Variants in GALNT13 observed in about 807,000 individuals in gnomAD.
The protein encoded by GALNT13 is polypeptide N-acetylgalactosaminyltransferase 13, also known as UDP-GalNAc:polypeptide N-acetylgalactosaminyltransferase 13.
A neutral mutation model predicts 64.2 loss-of-function variants in GALNT13; 28 were observed. The observed-to-expected ratio is 0.44, with a 90% CI of 0.32 to 0.60. The LOEUF (loss-of-function observed/expected upper bound fraction) is 0.60, where lower values mean the gene tolerates loss of function less well. Ranked by LOEUF, GALNT13 falls within the 20% of genes least tolerant of loss-of-function variation. The pLI, the probability that GALNT13 is intolerant of heterozygous loss-of-function variation, is 0.05. For synonymous variants in GALNT13, 214 were observed against 224.6 expected (o/e 0.95, Z 0.42); for missense variants, 577 against 669.8 (o/e 0.86, Z 1.53).
At chr2:153,461,694 G>T in the GALNT13 span, among the ~76,000 whole-genome samples, 1 of 152,054 alleles carries the variant, frequency 6.6e-6, no homozygotes, top group African/African-American at 2.4e-5. Context: ...TTAATACTGG[G>T]AGTCATCTGA....
intron 8 of GALNT13, among the ~76,000 whole-genome samples, chr2:154,271,991 A>G (rs1691380096): frequency 6.6e-6 from 1 of 151,934 alleles, no homozygotes; most frequent in Non-Finnish European, 1.5e-5. Context: ...ACCCTGAAAG[A>G]TGGACAGGAA....
the GALNT13 span, among the ~76,000 whole-genome samples, chr2:153,117,259 A>G: frequency 6.6e-6 from 1 of 152,188 alleles, no homozygotes; most frequent in Admixed American, 6.5e-5. Flanking sequence ...TTATAAGGTA[A>G]GAAAGGAGAA....
chr2:154,243,586 T>C lies in GALNT13; in HGVS notation c.686+681T>C, dbSNP rs145992653. Among the ~76,000 whole-genome samples, 11 of 152,320 alleles carry C rather than the reference T, an allele frequency of 7.2e-5. No individual in the cohort carries two copies. In the East Asian group the frequency reaches 1.9e-3, roughly 27 times the overall value. ...ATCTGGAAAATTGAATAAATAACAC[T>C]TATAGAAATTAAGAATCCTTATACA... On this transcript the variant is annotated intron_variant, in intron 6 of 12. Transcript: ENST00000392825.
At chr2:154,407,600 G>A (rs1699606540) in intron 10 of GALNT13, among the ~76,000 whole-genome samples, 1 of 2,442 alleles carries the variant, frequency 4.1e-4, no homozygotes, top group South Asian at 0.17. Context: ...TATATGAACA[G>A]GTACCGGGTT....
At chr2:153,443,896 C>T in the GALNT13 span, among the ~76,000 whole-genome samples, 1 of 152,018 alleles carries the variant, frequency 6.6e-6, no homozygotes, top group African/African-American at 2.4e-5. Flanking sequence ...GCACTCCAGC[C>T]TGGGTGACAA....
chr2:154,121,760 A>G (rs1681956300), intron 3 of GALNT13, among the ~76,000 whole-genome samples: 1 of 151,856 alleles, frequency 6.6e-6, no homozygotes. Context: ...TTGTAGATAC[A>G]TTGTGATTTT....
At chr2:153,464,867 A>C in the GALNT13 span, among the ~76,000 whole-genome samples, 1 of 152,162 alleles carries the variant, frequency 6.6e-6, no homozygotes, top group African/African-American at 2.4e-5. Context: ...ATAAAAAATA[A>C]TAAAAAGCAG....
the GALNT13 span, among the ~76,000 whole-genome samples, chr2:153,789,806 C>G: frequency 6.6e-6 from 1 of 152,124 alleles, no homozygotes; most frequent in Middle Eastern, 3.2e-3. Context: ...ATGAACACCT[C>G]TATGCACACA....
chr2:153,444,499 T>A, the GALNT13 span, among the ~76,000 whole-genome samples: 1 of 152,234 alleles, frequency 6.6e-6, no homozygotes, highest in Admixed American at 6.5e-5. Context: ...GCTATCCATT[T>A]GATGGTATGA....
rs189078082 is a variant in GALNT13, at chr2:153,892,555, A to G, written c.-176-8381A>G. 4.4e-3 allele frequency among the ~76,000 whole-genome samples: 673 copies of G among 152,202 alleles called. 5 individuals carry two copies. Among genetic ancestry groups the G allele is most frequent in the African/African-American group, 0.015 (633 of 41,570 alleles). On this transcript the variant is annotated intron_variant, in intron 1 of 12. Coordinates refer to ENST00000392825, the MANE Select transcript of GALNT13 (RefSeq NM_052917.4). ...GTTCTAAAATGTCTTCACTTAAAAAACAAAAAGACAAAATTAATATCTAAG... is the reference window on the plus strand; with the variant it reads ...GTTCTAAAATGTCTTCACTTAAAAAGCAAAAAGACAAAATTAATATCTAAG...
chr2:153,242,332 C>G, the GALNT13 span, among the ~76,000 whole-genome samples: 1 of 152,094 alleles, frequency 6.6e-6, no homozygotes, highest in East Asian at 1.9e-4. Flanking sequence ...TTGAATTTTC[C>G]TTTCTCTGAA....
the GALNT13 span, among the ~76,000 whole-genome samples, chr2:153,238,269 A>G: frequency 6.6e-6 from 1 of 151,798 alleles, no homozygotes; most frequent in African/African-American, 2.4e-5. Context: ...TATTTTCTCT[A>G]ATTCTGTGGG....
chr2:154,312,898 T>G (rs1421218118), intron 9 of GALNT13, among the ~76,000 whole-genome samples: 1 of 152,156 alleles, frequency 6.6e-6, no homozygotes, highest in Admixed American at 6.6e-5. Context: ...GCTTGACAGT[T>G]AAAATTAAAG....
intron 1 of GALNT13, among the ~76,000 whole-genome samples, chr2:153,877,611 CATA>C (rs1686472332): frequency 6.6e-6 from 1 of 151,788 alleles, no homozygotes; most frequent in Admixed American, 6.6e-5. Context: ...AGCTTAGAAG[CATA>C]ATAACTGACT....
At chr2:153,800,045 GCTCTCTCTCTCTCTCTCTCTCTCTCT>G in the GALNT13 span, among the ~76,000 whole-genome samples, 2 of 118,930 alleles carry the variant, frequency 1.7e-5, no homozygotes, top group Admixed American at 1.6e-4. Flanking sequence ...CATTTAGTTT[GCTCTCTCTCTCTCTCTCTCTCTCTCT>G]CTCTCTCTCT....
intron 2 of GALNT13, among the ~76,000 whole-genome samples, chr2:153,941,903 A>G (rs1162143509): frequency 6.6e-6 from 1 of 152,174 alleles, no homozygotes; most frequent in African/African-American, 2.4e-5. Context: ...TTCAGTGCTA[A>G]TGTCTTAATA....
chr2:154,187,887 T>A (rs990810675), intron 4 of GALNT13, among the ~76,000 whole-genome samples: 1 of 152,154 alleles, frequency 6.6e-6, no homozygotes, highest in African/African-American at 2.4e-5. Flanking sequence ...ACCCTACTAG[T>A]TCATCAAAAA....
chr2:153,523,484 G>T, the GALNT13 span, among the ~76,000 whole-genome samples: 13 of 152,100 alleles, frequency 8.5e-5, no homozygotes, highest in South Asian at 2.1e-4. Flanking sequence ...TTAGTTCTTT[G>T]CTTTCTTTCA....
At chr2:153,386,049 C>T in the GALNT13 span, among the ~76,000 whole-genome samples, 1 of 151,918 alleles carries the variant, frequency 6.6e-6, no homozygotes, top group East Asian at 1.9e-4. Context: ...AAATAACTGT[C>T]CTATTTTCCC....
Sources: gnomAD v4.1 joint callset for allele counts (sites outside exome capture counted in the v4.1 genomes callset) on GRCh38, gnomAD v4.1.1 for gene constraint, MANE v1.5 for transcripts, NCBI Gene and HGNC (gene_info 2026-07-23, HGNC 2026-07-21) for gene names.